The following EML2 variants were observed in gnomAD, a reference collection of about 807,000 sequenced individuals.
EML2 encodes echinoderm microtubule-associated protein-like 2.
In EML2, 59 loss-of-function variants were observed where a neutral mutation model predicts 84.7. The observed-to-expected ratio is 0.70, with a 90% CI of 0.56 to 0.86. EML2 has a LOEUF of 0.86. EML2 is among the 40% of genes least tolerant of loss of function. The probability of loss-of-function intolerance (pLI) is 0.00; values close to 1 mark genes in which losing one functional copy is unlikely to be tolerated. For missense variants in EML2, 818 were observed against 855.6 expected (o/e 0.96, Z 0.55); for synonymous variants, 352 against 348.9 (o/e 1.01, Z -0.10).
At chr19:45,616,924 G>T in intron 13 of EML2, 71 bp from the exon 14 acceptor site, 9 of 1,183,746 alleles carry the variant, frequency 7.6e-6, no homozygotes, top group Non-Finnish European at 9.8e-6. Flanking sequence ...CAATCTGTGG[G>T]GTCTAAGGGA....
upstream of EML2, chr19:45,640,433 G>A (rs946861868): frequency 7.9e-6 from 1 of 126,986 alleles, no homozygotes; most frequent in Non-Finnish European, 1.7e-5. Context: ...TTTGTTTTTT[G>A]TTTGTTTGTT....
chr19:45,633,190 T>C, intron 4 of EML2, 51 bp from the exon 5 acceptor site: 1 of 1,555,304 alleles, frequency 6.4e-7, no homozygotes, highest in Non-Finnish European at 8.8e-7. Flanking sequence ...GAGAAGAGGC[T>C]CACAGAGACC....
At chr19:45,616,695 C>A in intron 14 of EML2, 70 bp downstream of exon 14, 3 of 1,478,340 alleles carry the variant, frequency 2.0e-6, no homozygotes, top group Non-Finnish European at 2.8e-6. Flanking sequence ...CTCCACCCCT[C>A]CCCCTGCCAA....
intron 7 of EML2, among the ~76,000 whole-genome samples, chr19:45,628,412 G>C (rs1254626745): frequency 2.0e-5 from 3 of 151,584 alleles, no homozygotes; most frequent in African/African-American, 7.3e-5. Context: ...TAAACCATTT[G>C]CCTAAGGCCA....
intron 11 of EML2, 88 bp downstream of exon 11, chr19:45,621,119 C>T: frequency 3.9e-6 from 6 of 1,533,614 alleles, no homozygotes; most frequent in Non-Finnish European, 5.3e-6. Flanking sequence ...GTGAGGAGAA[C>T]TGGGAGTGGG....
chr19:45,617,724 G>A, intron 12 of EML2, 27 bp from the exon 13 acceptor site: 1 of 1,607,160 alleles, frequency 6.2e-7, no homozygotes, highest in Non-Finnish European at 8.5e-7. Context: ...AAGAGGCAGG[G>A]CTCAGAGCTG....
rs1051485693 is a variant in EML2, at chr19:45,624,943, T to A, written c.742-125A>T. On this transcript the variant is annotated intron_variant, in intron 8 of 18. Transcript: ENST00000245925. ...TATCTATGCGTTTAGGGTAAGGCTCTGCGTGGAGCATCCCTTCTCCCACCT... is the reference window on the plus strand; with the variant it reads ...TATCTATGCGTTTAGGGTAAGGCTCAGCGTGGAGCATCCCTTCTCCCACCT... The A allele has an allele frequency of 6.6e-5, 44 of 671,106 alleles. No individual in the cohort carries two copies. The Admixed American group carries it at 1.1e-3, about 17-fold the overall frequency. The allele number at this position is 671,106 out of a possible 1,614,324, so 41.6% of individuals were successfully genotyped here. A position where few individuals can be genotyped will look rare whatever the true frequency, so the allele number is the denominator to read the frequency against.
chr19:45,619,006 G>A (rs1971396724), intron 12 of EML2, 54 bp downstream of exon 12: 1 of 1,518,400 alleles, frequency 6.6e-7, no homozygotes, highest in South Asian at 1.3e-5. Flanking sequence ...CCCTGACACA[G>A]GGGGAAAGGT....
Position 45,619,171 on chromosome 19 carries a change from C to T in EML2, c.1143G>A (p.Trp381Ter), listed in dbSNP as rs748179080. The change falls in exon 12 of 19, where the codon TGG (tryptophan) becomes TGA (stop). Residue 381 changes from tryptophan (W) to a stop codon, truncating the protein, a stop_gained. Coordinates refer to ENST00000245925, the MANE Select transcript of EML2 (RefSeq NM_012155.4). LOFTEE classifies it high-confidence loss of function. ...LLVQGHVEEL[W>*]GLATHPSRAQ... Reference sequence around the variant, plus strand: ...CCCGACTGGGGTGTGTGGCCAGGCCCCACAGCTCTTCCACATGGCCCTGGT... The same window carrying T: ...CCCGACTGGGGTGTGTGGCCAGGCCTCACAGCTCTTCCACATGGCCCTGGT... 3 of 1,611,416 alleles carry T rather than the reference C, an allele frequency of 1.9e-6. No individual in the cohort carries two copies. The South Asian group carries it at 3.3e-5, about 18-fold the overall frequency.
intron 14 of EML2, 50 bp from the exon 15 acceptor site, chr19:45,616,608 T>C (rs1391564214): frequency 1.3e-6 from 2 of 1,506,258 alleles, no homozygotes; most frequent in Admixed American, 3.4e-5. Flanking sequence ...CTCCATCCCC[T>C]CCTCGCCCAG....
chr19:45,617,216 A>C (rs967762090), intron 13 of EML2, among the ~76,000 whole-genome samples: 34 of 151,036 alleles, frequency 2.3e-4, no homozygotes, highest in Admixed American at 2.6e-4. Context: ...ACCGGACTCC[A>C]GTCTGGGCGA....
In EML2 at chr19:45,634,556, A is replaced by T. The variant is rs1973490049; in HGVS notation, c.180-85T>A. The stretch of plus-strand genomic sequence containing the variant: ...GTTTTTATTTATTTATTTATTTTTA[A>T]TTTTTTTATTTATTTATTTTTTTGA... On this transcript the variant is annotated intron_variant, in intron 3 of 18. Transcript: ENST00000245925. 3.8e-6 allele frequency: 4 copies of T among 1,050,154 alleles called. No individual in the cohort carries two copies. In the Admixed American group the frequency reaches 1.3e-4, roughly 35 times the overall value. The allele number at this position is 1,050,154 out of a possible 1,614,324, so 65.1% of individuals were successfully genotyped here. A position where few individuals can be genotyped will look rare whatever the true frequency, so the allele number is the denominator to read the frequency against.
intron 6 of EML2, 113 bp downstream of exon 6, chr19:45,632,748 C>T (rs974103799): frequency 2.0e-5 from 18 of 896,778 alleles, no homozygotes; most frequent in African/African-American, 1.7e-4. Flanking sequence ...AGAGGCGGGC[C>T]ACGCCTCCAG....
upstream of EML2, chr19:45,644,791 C>T (rs1974906297): frequency 2.2e-6 from 1 of 456,278 alleles, no homozygotes; most frequent in African/African-American, 2.0e-5. Context: ...CATGGGAGGG[C>T]CAGGGCCAGA....
intron 18 of EML2, among the ~76,000 whole-genome samples, chr19:45,611,637 C>A (rs1312096959): frequency 6.6e-6 from 1 of 151,892 alleles, no homozygotes; most frequent in Non-Finnish European, 1.5e-5. Context: ...AGGTGCCCGC[C>A]ACCACCCATG....
intron 8 of EML2, among the ~76,000 whole-genome samples, chr19:45,626,212 A>T (rs376137091): frequency 1.3e-5 from 2 of 149,582 alleles, no homozygotes; most frequent in African/African-American, 5.0e-5. Context: ...AGGTCTCACC[A>T]TGTTCCCCAG....
upstream of EML2, chr19:45,641,829 C>A: frequency 6.6e-7 from 1 of 1,503,836 alleles, no homozygotes; most frequent in Non-Finnish European, 8.9e-7. Flanking sequence ...TCTCCCTGCA[C>A]CCTCTGCTGC....
chr19:45,644,112 G>A (rs1197536260), upstream of EML2, among the ~76,000 whole-genome samples: 2 of 152,218 alleles, frequency 1.3e-5, no homozygotes, highest in Admixed American at 6.5e-5. Context: ...ACATGTGCCA[G>A]GCACTGCTCA....
chr19:45,627,232 C>T (rs999757240), intron 7 of EML2, among the ~76,000 whole-genome samples: 2 of 151,376 alleles, frequency 1.3e-5, no homozygotes, highest in African/African-American at 4.9e-5. Context: ...GCTGGGATTA[C>T]AGGCGTGAGC....
Sources: gnomAD v4.1 joint callset for allele counts (sites outside exome capture counted in the v4.1 genomes callset) on GRCh38, gnomAD v4.1.1 for gene constraint, MANE v1.5 for transcripts, NCBI Gene and HGNC (gene_info 2026-07-23, HGNC 2026-07-21) for gene names.